The following NXN variants were observed in gnomAD, a reference collection of about 807,000 sequenced individuals.
The protein encoded by NXN is nucleoredoxin 1.
A neutral mutation model predicts 48.6 loss-of-function variants in NXN; 16 were observed. The observed-to-expected ratio is 0.33, with a 90% confidence interval of 0.22 to 0.50. NXN has a LOEUF of 0.50. Among genes scored for constraint, NXN ranks in the 20% least tolerant of loss-of-function variants. NXN has a pLI of 0.98. For synonymous variants in NXN, 281 were observed against 269.6 expected, an observed-to-expected ratio of 1.04 and a Z score of -0.41; for missense variants, 492 against 605.5, an observed-to-expected ratio of 0.81 and a Z score of 1.97.
chr17:910,621 A>T (rs1395318928), intron 1 of NXN: 1 of 152,202 alleles, frequency 6.6e-6, no homozygotes, highest in Non-Finnish European at 1.5e-5. Flanking sequence ...TTAAAAAAGC[A>T]ACATACTTTC....
At chr17:976,052 A>AT (rs1294007895) in intron 1 of NXN, among the ~76,000 whole-genome samples, 1 of 152,258 alleles carries the variant, frequency 6.6e-6, no homozygotes, top group Non-Finnish European at 1.5e-5. Flanking sequence ...GCTATATAAT[A>AT]ATGTGTGTTT....
intron 1 of NXN, among the ~76,000 whole-genome samples, chr17:972,312 T>TA (rs2069393595): frequency 6.8e-6 from 1 of 146,158 alleles, no homozygotes; most frequent in African/African-American, 2.6e-5. Context: ...CAAAAAAAAT[T>TA]TAAAAAATAC....
At chr17:807,660 G>A (rs569937397) in intron 5 of NXN, among the ~76,000 whole-genome samples, 14 of 152,354 alleles carry the variant, frequency 9.2e-5, no homozygotes, top group East Asian at 3.9e-4. Context: ...GGGACGGGCC[G>A]TGTTGGGCCG....
intron 1 of NXN, among the ~76,000 whole-genome samples, chr17:915,885 C>CCCTAAAATGGGCGGCCACTTATGGTGTG (rs1468143906): frequency 6.6e-6 from 1 of 151,688 alleles, no homozygotes; most frequent in African/African-American, 2.4e-5. Context: ...CTGGAACTTC[C>CCCTAAAATGGGCGGCCACTTATGGTGTG]AGCTGCTCCC....
At chr17:865,493 C>T (rs1456038735) in intron 1 of NXN, among the ~76,000 whole-genome samples, 2 of 151,632 alleles carry the variant, frequency 1.3e-5, no homozygotes, top group Admixed American at 1.3e-4. Context: ...CCGCCCACCT[C>T]GGCCTCCCAC....
In NXN at chr17:958,748, C is replaced by T. The variant is rs1025643084; in HGVS notation, c.360+20571G>A. ...CTGAACTCCAGCACAGGCGACAGAGCGAGACTCCCTCTCAAAAAATAAAAT... is the reference window on the plus strand; with the variant it reads ...CTGAACTCCAGCACAGGCGACAGAGTGAGACTCCCTCTCAAAAAATAAAAT... On this transcript the variant is annotated intron_variant, in intron 1 of 7. Transcript: ENST00000336868. This position sits in a 1 kb window ranked among gnomAD's most constrained non-coding sequence, Gnocchi z 6.9. Among the ~76,000 whole-genome samples the T allele has an allele frequency of 4.6e-5, 7 of 151,982 alleles. No individual in the cohort carries two copies. Among genetic ancestry groups the T allele is most frequent in the African/African-American group, 1.7e-4 (7 of 41,382 alleles).
chr17:892,398 T>C (rs35930061), intron 1 of NXN, among the ~76,000 whole-genome samples: 27,526 of 152,176 alleles, frequency 0.18, 2,632 homozygotes, highest in Middle Eastern at 0.34. Context: ...ATGGCTGGAA[T>C]GCTGCCTCTC....
intron 1 of NXN, among the ~76,000 whole-genome samples, chr17:943,513 A>C (rs946187141): frequency 6.6e-6 from 1 of 152,290 alleles, no homozygotes; most frequent in Admixed American, 6.5e-5. Flanking sequence ...TCATTAAATC[A>C]TATCTTTCTT....
chr17:969,210 T>C (rs2069343001), intron 1 of NXN, among the ~76,000 whole-genome samples: 2 of 152,180 alleles, frequency 1.3e-5, no homozygotes, highest in Non-Finnish European at 2.9e-5. Context: ...TCAAATATTA[T>C]GTCATTCAAT....
intron 1 of NXN, among the ~76,000 whole-genome samples, chr17:837,346 G>C (rs1913883200): frequency 6.6e-6 from 1 of 152,170 alleles, no homozygotes; most frequent in South Asian, 2.1e-4. Flanking sequence ...GCCCAGTCTT[G>C]GATCCCCTTG....
chr17:914,446 A>T (rs1229117054), intron 1 of NXN, among the ~76,000 whole-genome samples: 2 of 152,322 alleles, frequency 1.3e-5, no homozygotes, highest in African/African-American at 2.4e-5. Flanking sequence ...CTGGTATTAC[A>T]GGCACAAGCT....
In NXN at chr17:917,009, T is replaced by C. The variant is rs904080242; in HGVS notation, c.360+62310A>G. Among the ~76,000 whole-genome samples the C allele has an allele frequency of 6.6e-6, 1 of 152,216 alleles. No homozygotes were observed. Among genetic ancestry groups the C allele is most frequent in the African/African-American group, 2.4e-5 (1 of 41,450 alleles). On this transcript the variant is annotated intron_variant, in intron 1 of 7. Transcript: ENST00000336868. The surrounding 1 kb of genome is among the most constrained non-coding windows in gnomAD (Gnocchi z 4.5). Reference sequence around the variant, plus strand: ...TGGGTATTTTTGGTGGGTCTTTATCTTCATTCATTAATCACATTATCAGAC... The same window carrying C: ...TGGGTATTTTTGGTGGGTCTTTATCCTCATTCATTAATCACATTATCAGAC...
At chr17:967,560 G>A (rs549930365) in intron 1 of NXN, among the ~76,000 whole-genome samples, 30 of 152,324 alleles carry the variant, frequency 2.0e-4, no homozygotes, top group South Asian at 4.1e-4. Flanking sequence ...TGGCAAGGAG[G>A]CAGACCCAGG....
At chr17:947,029 T>C (rs1177533836) in intron 1 of NXN, among the ~76,000 whole-genome samples, 4 of 152,072 alleles carry the variant, frequency 2.6e-5, no homozygotes, top group African/African-American at 4.8e-5. Flanking sequence ...AGGGGCCGCA[T>C]GAGGAGAGAC....
intron 1 of NXN, among the ~76,000 whole-genome samples, chr17:868,222 T>G (rs1454873716): frequency 6.6e-6 from 1 of 152,038 alleles, no homozygotes. Context: ...CTCTATCCGA[T>G]CCACCCTTCC....
rs747219374 is a variant in NXN at position 805,192 on chromosome 17, C to A, written c.876G>T (p.Gly292=). Residue 292 remains glycine, a synonymous_variant, in exon 6 of 8, where the codon GGG becomes GGT. Coordinates refer to ENST00000336868, the MANE Select transcript of NXN (RefSeq NM_022463.5). The part of the protein sequence containing the change: ...DPQGEVITRQ[G]RVEVLNDEDC... ...CCTCGTCGTTCAGCACCTCCACCCG[C>A]CCCTGCCGCGTGATCACCTCGCCCT... 3.2e-5 allele frequency: 52 copies of A among 1,611,230 alleles called. No homozygotes were observed. Among genetic ancestry groups the A allele is most frequent in the Admixed American group, 1.0e-4 (6 of 59,860 alleles).
At position 920,754 on chromosome 17, in the gene NXN, G is replaced by A. The variant is rs973783054; in HGVS notation, c.360+58565C>T. ...TTTTTTTCCTTTGAAACAGAGTCTC[G>A]CCCTGTTGCCCAGGCTGGAGTGCAG... On this transcript the variant is annotated intron_variant, in intron 1 of 7. Transcript: ENST00000336868. The surrounding 1 kb of genome is among the most constrained non-coding windows in gnomAD (Gnocchi z 4.6). 1.2e-4 allele frequency among the ~76,000 whole-genome samples: 17 copies of A among 143,912 alleles called. No homozygotes were observed. The highest frequency in any genetic ancestry group is 3.4e-4 in the African/African-American group (13 of 38,498). The allele number at this position is 143,912 out of a possible 152,430, so 94.4% of individuals were successfully genotyped here. A position where few individuals can be genotyped will look rare whatever the true frequency, so the allele number is the denominator to read the frequency against.
chr17:839,406 G>A (rs566476822), intron 1 of NXN, among the ~76,000 whole-genome samples: 9 of 152,150 alleles, frequency 5.9e-5, no homozygotes, highest in Non-Finnish European at 1.2e-4. Flanking sequence ...CTGCACTCCA[G>A]CCCGGGCAAC....
chr17:963,409 C>T (rs746971525), intron 1 of NXN, among the ~76,000 whole-genome samples: 7 of 151,862 alleles, frequency 4.6e-5, no homozygotes, highest in Non-Finnish European at 8.8e-5. Flanking sequence ...TCGAGACCAG[C>T]TTGGGCAAAA....
Sources: allele counts gnomAD v4.1 joint callset (sites outside exome capture counted in the v4.1 genomes callset), GRCh38; gene constraint gnomAD v4.1.1; non-coding constraint Gnocchi (gnomAD v3.1); transcripts MANE v1.5; gene names NCBI Gene and HGNC (gene_info 2026-07-23, HGNC 2026-07-21).